The following IQCK variants were observed in gnomAD, a reference collection of about 807,000 sequenced individuals.
The protein encoded by IQCK is IQ motif containing K, also known as IQ domain-containing protein K.
Under a neutral mutation model 28.1 loss-of-function variants are expected in IQCK, and 29 were observed. The observed-to-expected ratio is 1.03, with a 90% CI of 0.77 to 1.41. The LOEUF is 1.41. Ranked by LOEUF, IQCK falls within the 40% of genes most tolerant of loss-of-function variation. The pLI, the probability that IQCK is intolerant of heterozygous loss-of-function variation, is 0.00. For missense variants in IQCK, 359 were observed against 314.7 expected, an observed-to-expected ratio of 1.14 and a Z score of -1.07; for synonymous variants, 113 against 115.1, an observed-to-expected ratio of 0.98 and a Z score of 0.12.
intron 1 of IQCK, among the ~76,000 whole-genome samples, chr16:19,721,804 C>T (rs1392558565): frequency 1.3e-5 from 2 of 152,122 alleles, no homozygotes; most frequent in Admixed American, 1.3e-4. Context: ...TCTCAAACAC[C>T]TGACCTCAAG....
At chr16:19,755,094 A>T (rs188526874) in intron 4 of IQCK, among the ~76,000 whole-genome samples, 239 of 152,302 alleles carry the variant, frequency 1.6e-3, no homozygotes, top group South Asian at 9.1e-3. Flanking sequence ...GGCCAAGTGT[A>T]TGCTTATTTC....
chr16:19,786,754 A>G (rs1278801435), intron 6 of IQCK, among the ~76,000 whole-genome samples: 2 of 123,672 alleles, frequency 1.6e-5, no homozygotes, highest in East Asian at 2.1e-4. Context: ...AAGAAAGGGG[A>G]AAAAAAGGAA....
At chr16:19,734,363 G>A (rs897787721) in intron 3 of IQCK, among the ~76,000 whole-genome samples, 2 of 151,762 alleles carry the variant, frequency 1.3e-5, no homozygotes, top group African/African-American at 4.9e-5. Context: ...TGGGCATGGT[G>A]GCAGGAGAAT....
intron 7 of IQCK, among the ~76,000 whole-genome samples, chr16:19,815,496 A>AAAAAC (rs374060728): frequency 0.05 from 7,519 of 151,822 alleles, 553 homozygotes; most frequent in African/African-American, 0.16. Context: ...ACAATTAGGA[A>AAAAAC]AAAACAAAAC....
At position 19,779,710 on chromosome 16, in the gene IQCK, AT is replaced by A. The variant is rs2055448744; in HGVS notation, c.606-9124del. ...TTTTTTAATTTTTACTTATTTATTT[AT>A]TTTATTTATTTATTTATTTTTTTTG... On this transcript the variant is annotated intron_variant, in intron 6 of 7. Transcript: ENST00000564186. Among the ~76,000 whole-genome samples the A allele has an allele frequency of 5.3e-5, 8 of 150,524 alleles. No individual in the cohort carries two copies. In the South Asian group the frequency reaches 1.5e-3, roughly 28 times the overall value.
downstream of IQCK, among the ~76,000 whole-genome samples, chr16:19,830,366 T>C (rs1182519157): frequency 1.3e-5 from 2 of 152,264 alleles, no homozygotes; most frequent in East Asian, 3.9e-4. Context: ...GCAGGGAGAA[T>C]AGACTGGAGT....
intron 4 of IQCK, among the ~76,000 whole-genome samples, chr16:19,744,914 G>A (rs767666372): frequency 1.3e-5 from 2 of 152,214 alleles, no homozygotes; most frequent in Non-Finnish European, 2.9e-5. Flanking sequence ...GACATTTCCT[G>A]TGTGTATAGC....
chr16:19,770,780 G>C (rs565102500), intron 6 of IQCK, among the ~76,000 whole-genome samples: 1 of 152,210 alleles, frequency 6.6e-6, no homozygotes, highest in Admixed American at 6.5e-5. Flanking sequence ...GCGCCACCAT[G>C]CCCGACTAAT....
At chr16:19,731,345 G>A (rs1034484992) in intron 2 of IQCK, among the ~76,000 whole-genome samples, 8 of 152,156 alleles carry the variant, frequency 5.3e-5, no homozygotes, top group African/African-American at 9.7e-5. Flanking sequence ...ACTTGAGCAC[G>A]GTAACACGGA....
intron 6 of IQCK, among the ~76,000 whole-genome samples, chr16:19,771,897 A>C (rs58439919): frequency 0.055 from 8,349 of 152,168 alleles, 717 homozygotes; most frequent in African/African-American, 0.18. Flanking sequence ...AGGGGGTTGC[A>C]ACAGCTGCTG....
exon 6 of IQCK, chr16:19,764,078 T>C: frequency 1.2e-6 from 2 of 1,613,916 alleles, no homozygotes; most frequent in Non-Finnish European, 1.7e-6. Context: ...AGAATTTTTC[T>C]CCATTCCATT....
At chr16:19,721,854 A>C (rs1336220377) in intron 1 of IQCK, among the ~76,000 whole-genome samples, 2 of 152,332 alleles carry the variant, frequency 1.3e-5, no homozygotes, top group South Asian at 2.1e-4. Context: ...CTGGGATTAC[A>C]GGCGTGAGCC....
intron 7 of IQCK, among the ~76,000 whole-genome samples, chr16:19,824,501 G>A (rs1263293588): frequency 6.6e-6 from 1 of 152,154 alleles, no homozygotes; most frequent in East Asian, 1.9e-4. Flanking sequence ...GTGGCTGCAG[G>A]GGCTGGGTAC....
At chr16:19,748,451 C>T (rs1283891837) in intron 4 of IQCK, among the ~76,000 whole-genome samples, 1 of 152,158 alleles carries the variant, frequency 6.6e-6, no homozygotes, top group Non-Finnish European at 1.5e-5. Context: ...ATTTTCTGAT[C>T]TGTAAAATAT....
chr16:19,757,821 C>T (rs2055073972), intron 4 of IQCK, among the ~76,000 whole-genome samples: 1 of 152,040 alleles, frequency 6.6e-6, no homozygotes, highest in African/African-American at 2.4e-5. Flanking sequence ...CCCACATATC[C>T]ACTGCCTTGA....
At chr16:19,849,275 T>TTTA (rs398028930) in intron 9 of IQCK, among the ~76,000 whole-genome samples, 1 of 151,432 alleles carries the variant, frequency 6.6e-6, no homozygotes, top group African/African-American at 2.4e-5. Context: ...TTTTTTTTTT[T>TTTA]ATGTATTTGA....
intron 9 of IQCK, among the ~76,000 whole-genome samples, chr16:19,850,501 C>T (rs1490432284): frequency 6.6e-6 from 1 of 152,140 alleles, no homozygotes; most frequent in Non-Finnish European, 1.5e-5. Flanking sequence ...TAAGGTTTCT[C>T]ATAGATATTG....
At chr16:19,854,416 G>GCCTGAT (rs1177207517) in intron 9 of IQCK, among the ~76,000 whole-genome samples, 1 of 150,168 alleles carries the variant, frequency 6.7e-6, no homozygotes, top group Non-Finnish European at 1.5e-5. Context: ...TAGAGACCCA[G>GCCTGAT]CCTGATCCAT....
At chr16:19,811,514 A>G (rs901572216) in intron 7 of IQCK, among the ~76,000 whole-genome samples, 1 of 152,176 alleles carries the variant, frequency 6.6e-6, no homozygotes, top group African/African-American at 2.4e-5. Flanking sequence ...ATATAGTCTT[A>G]TTATTAAAGG....
Sources: gnomAD v4.1 joint callset for allele counts (sites outside exome capture counted in the v4.1 genomes callset) on GRCh38, gnomAD v4.1.1 for gene constraint, MANE v1.5 for transcripts, NCBI Gene and HGNC (gene_info 2026-07-23, HGNC 2026-07-21) for gene names.